TJP2: variants seen among roughly 807,000 people sequenced by gnomAD.
TJP2 encodes the protein Friedreich ataxia region gene X104 (tight junction protein ZO-2).
Under a neutral mutation model 133.1 loss-of-function variants are expected in TJP2, and 91 were observed. That is an observed-to-expected ratio of 0.68 (90% CI 0.58 to 0.81). TJP2 has a LOEUF of 0.81. TJP2 is among the 40% of genes least tolerant of loss of function. The pLI, the probability that TJP2 is intolerant of heterozygous loss-of-function variation, is 0.00. For missense variants in TJP2, 1,541 were observed against 1,565.6 expected, an observed-to-expected ratio of 0.98 and a Z score of 0.26; for synonymous variants, 592 against 583.4, an observed-to-expected ratio of 1.01 and a Z score of -0.21.
upstream of TJP2, chr9:69,174,029 C>A: frequency 9.6e-7 from 1 of 1,039,180 alleles, no homozygotes; most frequent in Non-Finnish European, 1.2e-6. Flanking sequence ...GCCGCCGCCT[C>A]CCGCCCCCGG....
At chr9:69,121,615 G>C (rs115540955) in exon 1 of TJP2, 3 of 152,944 alleles carry the variant, frequency 2.0e-5, no homozygotes, top group African/African-American at 4.8e-5. Flanking sequence ...AGCGCAGGGG[G>C]ACACCAGCCC....
chr9:69,227,581 T>C (rs1829445661), intron 7 of TJP2, among the ~76,000 whole-genome samples, 184 bp from the exon 8 acceptor site: 1 of 152,150 alleles, frequency 6.6e-6, no homozygotes, highest in African/African-American at 2.4e-5. Context: ...CTTTATTAAT[T>C]AATGCCTTTC....
At chr9:69,137,465 C>T (rs375123777) in intron 1 of TJP2, among the ~76,000 whole-genome samples, 3 of 149,670 alleles carry the variant, frequency 2.0e-5, no homozygotes, top group South Asian at 4.4e-4. Flanking sequence ...CAGGCTCAAA[C>T]GATCCTCTCG....
In TJP2 at chr9:69,221,397, C is replaced by CGCAGCCGCGA; in HGVS notation, c.857_866dup (p.His289GlnfsTer15). On this transcript the variant is annotated frameshift_variant, in exon 5 of 23. Transcript: ENST00000377245. LOFTEE classifies it high-confidence loss of function. ...TGCCCGCTCTCGGGGACCCCGAAGC[C>CGCAGCCGCGA]GCAGCCGCGAGCACCCGCACTCACG... 6.3e-7 allele frequency: 1 copy of CGCAGCCGCGA among 1,580,768 alleles called. No individual in the cohort carries two copies. Among genetic ancestry groups the CGCAGCCGCGA allele is most frequent in the Non-Finnish European group, 8.6e-7 (1 of 1,163,952 alleles).
At chr9:69,135,949 AG>A (rs1822712590) in intron 1 of TJP2, among the ~76,000 whole-genome samples, 1 of 152,160 alleles carries the variant, frequency 6.6e-6, no homozygotes, top group South Asian at 2.1e-4. Flanking sequence ...CTCTTAATTA[AG>A]AAGTAAACTC....
chr9:69,194,004 A>G (rs1022539791), intron 1 of TJP2, among the ~76,000 whole-genome samples: 1 of 152,176 alleles, frequency 6.6e-6, no homozygotes, highest in Non-Finnish European at 1.5e-5. Flanking sequence ...TGCAGTTGAA[A>G]CCATAAATTG....
At chr9:69,216,849 T>C (rs529435084) in intron 3 of TJP2, among the ~76,000 whole-genome samples, 4 of 152,242 alleles carry the variant, frequency 2.6e-5, no homozygotes, top group Non-Finnish European at 5.9e-5. Context: ...GACTTTGGTT[T>C]ATTGATTATC....
intron 2 of TJP2, among the ~76,000 whole-genome samples, chr9:69,213,224 C>A (rs1001865766): frequency 2.0e-5 from 3 of 151,980 alleles, no homozygotes; most frequent in Non-Finnish European, 4.4e-5. Context: ...TCACCACGCC[C>A]GGCTAATTTT....
chr9:69,231,500 A>G (rs1829782918), intron 11 of TJP2, among the ~76,000 whole-genome samples: 1 of 152,066 alleles, frequency 6.6e-6, no homozygotes, highest in African/African-American at 2.4e-5. Context: ...ATCCATATGT[A>G]GTAAACTAAG....
intron 11 of TJP2, among the ~76,000 whole-genome samples, chr9:69,233,093 T>C (rs2133363702): frequency 6.6e-6 from 1 of 152,336 alleles, no homozygotes; most frequent in African/African-American, 2.4e-5. Context: ...GATACCAAAA[T>C]GGGATGATTC....
At position 69,237,947 on chromosome 9, in the gene TJP2, AGT is replaced by A; in HGVS notation, c.2250_2251del (p.Glu750AspfsTer3). 1 of 1,613,588 alleles carries A rather than the reference AGT, an allele frequency of 6.2e-7. No homozygotes were observed. Among genetic ancestry groups the A allele is most frequent in the Non-Finnish European group, 8.5e-7 (1 of 1,179,614 alleles). ...ATAGCAATGGAAAAATTGGCTAATGAGTTACCTGACTGGTTTCAAACTGCTAG... is the reference window on the plus strand; with the variant it reads ...ATAGCAATGGAAAAATTGGCTAATGATACCTGACTGGTTTCAAACTGCTAG... On this transcript the variant is annotated frameshift_variant, in exon 15 of 23. Coordinates refer to ENST00000377245, the MANE Select transcript of TJP2 (RefSeq NM_004817.4). LOFTEE classifies it high-confidence loss of function.
chr9:69,167,939 A>G (rs558058743), intron 2 of TJP2, among the ~76,000 whole-genome samples: 1 of 152,280 alleles, frequency 6.6e-6, no homozygotes, highest in South Asian at 2.1e-4. Flanking sequence ...GATACTAGAA[A>G]CGTAGATGCC....
At chr9:69,190,317 T>C (rs1826124719) in intron 1 of TJP2, among the ~76,000 whole-genome samples, 1 of 152,214 alleles carries the variant, frequency 6.6e-6, no homozygotes, top group Non-Finnish European at 1.5e-5. Flanking sequence ...CTGACAAACA[T>C]AGTTAATCTT....
chr9:69,158,663 C>T (rs1336777713), intron 2 of TJP2, among the ~76,000 whole-genome samples: 1 of 152,134 alleles, frequency 6.6e-6, no homozygotes, highest in Non-Finnish European at 1.5e-5. Context: ...TCATAGCTCA[C>T]TGCAGCCTCC....
Position 69,237,984 on chromosome 9 carries a change from C to T in TJP2, c.2275+11C>T. On this transcript the variant is annotated intron_variant, in intron 15 of 22. Coordinates refer to ENST00000377245, the MANE Select transcript of TJP2 (RefSeq NM_004817.4). ...GGTTTCAAACTGCTAGTAAGTCTGT[C>T]AGTGTTTTTTTTTCCCCCAAATTTT... 6.2e-7 allele frequency: 1 copy of T among 1,600,804 alleles called. No homozygotes were observed. Among genetic ancestry groups the T allele is most frequent in the Non-Finnish European group, 8.6e-7 (1 of 1,168,304 alleles).
At position 69,226,058 on chromosome 9, in the gene TJP2, G is replaced by A. The variant is rs772718854; in HGVS notation, c.1093G>A (p.Asp365Asn). 9.9e-6 allele frequency: 16 copies of A among 1,614,024 alleles called. No individual in the cohort carries two copies. The highest frequency in any genetic ancestry group is 1.3e-5 in the Non-Finnish European group (15 of 1,180,036). ...TGTAACTGAGAACATGTCTTTAACGGATGCTCGAAAATTGATAGAAAAGTC... is the reference window on the plus strand; with the variant it reads ...TGTAACTGAGAACATGTCTTTAACGAATGCTCGAAAATTGATAGAAAAGTC... ...GTVTENMSLTDARKLIEKSRG... is the reference protein window; with the variant it reads ...GTVTENMSLTNARKLIEKSRG... The change falls in exon 7 of 23, where the codon GAT (aspartate) becomes AAT (asparagine). Residue 365 changes from aspartate (D) to asparagine (N), a missense_variant. Coordinates refer to ENST00000377245, the MANE Select transcript of TJP2 (RefSeq NM_004817.4).
Position 69,230,181 on chromosome 9 carries a change from A to G in TJP2, c.1620A>G (p.Glu540=). 1.2e-6 allele frequency: 2 copies of G among 1,614,186 alleles called. No homozygotes were observed. The highest frequency in any genetic ancestry group is 1.1e-5 in the South Asian group (1 of 91,078). ...DVGIFVAGIQ[E]GTSAEQEGLQ... ...GGATATTTGTTGCTGGCATTCAAGA[A>G]GGGACCTCGGCGGAGCAGGAGGGCC... The change falls in exon 11 of 23, where the codon GAA becomes GAG. Residue 540 remains glutamate (E), a synonymous_variant. Transcript: ENST00000377245.
intron 1 of TJP2, among the ~76,000 whole-genome samples, chr9:69,128,833 T>G (rs1329952420): frequency 6.6e-6 from 1 of 152,226 alleles, no homozygotes; most frequent in Non-Finnish European, 1.5e-5. Context: ...GCTATTAGAT[T>G]ATTATTCCTG....
intron 2 of TJP2, among the ~76,000 whole-genome samples, chr9:69,213,743 C>T (rs1025628369): frequency 6.6e-6 from 1 of 152,174 alleles, no homozygotes; most frequent in African/African-American, 2.4e-5. Flanking sequence ...TCTGCCCTTT[C>T]CCTGAGCATT....
Sources: allele counts gnomAD v4.1 joint callset (sites outside exome capture counted in the v4.1 genomes callset), GRCh38; gene constraint gnomAD v4.1.1; transcripts MANE v1.5; gene names NCBI Gene and HGNC (gene_info 2026-07-23, HGNC 2026-07-21).